NEDD9: variants seen among roughly 807,000 people sequenced by gnomAD.
NEDD9 encodes enhancer of filamentation 1.
NEDD9 carries 26 observed loss-of-function variants against 76.6 expected under a neutral mutation model. The ratio of observed to expected loss-of-function variants is 0.34; its 90% confidence interval spans 0.25 to 0.47. The LOEUF is 0.47. Among genes scored for constraint, NEDD9 ranks in the 20% least tolerant of loss-of-function variants. The pLI, the probability that NEDD9 is intolerant of heterozygous loss-of-function variation, is 1.00. For missense variants in NEDD9, 937 were observed against 1,058.5 expected (o/e 0.89, Z 1.59); for synonymous variants, 392 against 414.2 (o/e 0.95, Z 0.65).
At chr6:11,339,765 A>G (rs552646986) in intron 1 of NEDD9, among the ~76,000 whole-genome samples, 1 of 152,164 alleles carries the variant, frequency 6.6e-6, no homozygotes, top group East Asian at 1.9e-4. Flanking sequence ...TCAGGACTTG[A>G]CTGGGTTCTC....
intron 2 of NEDD9, 29 bp from the exon 3 acceptor site, chr6:11,193,721 A>G (rs1758221818): frequency 4.5e-6 from 7 of 1,552,958 alleles, no homozygotes; most frequent in South Asian, 1.1e-5. Flanking sequence ...AGAGGTGTAA[A>G]TTTCCAAGCC....
intron 1 of NEDD9, among the ~76,000 whole-genome samples, chr6:11,362,748 T>C (rs528030094): frequency 1.3e-4 from 20 of 152,352 alleles, no homozygotes; most frequent in African/African-American, 4.8e-4. Context: ...GAAGCTCTTT[T>C]ATTAAGTGGA....
chr6:11,345,397 G>A (rs1247463245), intron 1 of NEDD9, among the ~76,000 whole-genome samples: 1 of 152,184 alleles, frequency 6.6e-6, no homozygotes, highest in African/African-American at 2.4e-5. Context: ...TGTACATGGA[G>A]CTGTCTTGGT....
At chr6:11,349,178 C>T (rs192082087) in intron 1 of NEDD9, among the ~76,000 whole-genome samples, 73 of 152,166 alleles carry the variant, frequency 4.8e-4, no homozygotes, top group African/African-American at 1.6e-3. Flanking sequence ...AAGCTTAATG[C>T]CACTAATCAT....
chr6:11,232,635 C>A lies in NEDD9; in HGVS notation c.-120G>T. Reference sequence around the variant, plus strand: ...AAAGCGAGAAGGTCCCGGGCAGAGCCGCTTGTCAGTCGCAGCGCCTCCCTC... The same window carrying A: ...AAAGCGAGAAGGTCCCGGGCAGAGCAGCTTGTCAGTCGCAGCGCCTCCCTC... On this transcript the variant is annotated 5_prime_UTR_variant, in exon 1 of 7. Coordinates refer to ENST00000379446, the MANE Select transcript of NEDD9 (RefSeq NM_006403.4). 1 of 1,579,514 alleles carries A rather than the reference C, an allele frequency of 6.3e-7. No homozygotes were observed. The highest frequency in any genetic ancestry group is 1.1e-5 in the South Asian group (1 of 88,506).
intron 1 of NEDD9, among the ~76,000 whole-genome samples, chr6:11,348,136 C>G (rs921398873): frequency 6.6e-6 from 1 of 152,144 alleles, no homozygotes; most frequent in African/African-American, 2.4e-5. Context: ...CATTCCTATA[C>G]ACCAACAACA....
At chr6:11,188,394 C>T in intron 5 of NEDD9, 87 bp from the exon 6 acceptor site, 1 of 1,137,456 alleles carries the variant, frequency 8.8e-7, no homozygotes, top group Non-Finnish European at 1.3e-6. Context: ...AGTAAATACT[C>T]TTTATTTTCC....
At chr6:11,338,295 G>A (rs1271953467) in intron 1 of NEDD9, among the ~76,000 whole-genome samples, 1 of 152,134 alleles carries the variant, frequency 6.6e-6, no homozygotes, top group Admixed American at 6.5e-5. Context: ...TGCCAAAGAC[G>A]GCCAGCAAAC....
intron 2 of NEDD9, among the ~76,000 whole-genome samples, chr6:11,201,956 G>A (rs1206216168): frequency 1.3e-5 from 2 of 152,174 alleles, no homozygotes; most frequent in Admixed American, 6.5e-5. Flanking sequence ...ATTTAGTAGA[G>A]TACTAATGTG....
At chr6:11,223,674 G>T (rs1459073751) in intron 1 of NEDD9, among the ~76,000 whole-genome samples, 2 of 152,198 alleles carry the variant, frequency 1.3e-5, no homozygotes, top group African/African-American at 4.8e-5. Flanking sequence ...GGGCTATGAG[G>T]CGAGAGCGCC....
rs1341022024 is a variant in NEDD9 at position 11,185,321 on chromosome 6, C to T, written c.2346G>A (p.Gln782=). ...CTATGGTCTTGAGCTGCTCGCAGAG[C>T]TGGTTGCTGGAGTTCATGACTTTGT... ...IRNKVMNSSN[Q]LCEQLKTIVM... Residue 782 remains glutamine, a synonymous_variant, in exon 7 of 7, where the codon CAG becomes CAA. Coordinates refer to ENST00000379446, the MANE Select transcript of NEDD9 (RefSeq NM_006403.4). The T allele has an allele frequency of 6.2e-7, 1 of 1,614,156 alleles. No homozygotes were observed. The highest frequency in any genetic ancestry group is 8.5e-7 in the Non-Finnish European group (1 of 1,180,040).
At position 11,189,625 on chromosome 6, in the gene NEDD9, T is replaced by C. The variant is rs1384854372; in HGVS notation, c.1905+339A>G. Among the ~76,000 whole-genome samples the C allele has an allele frequency of 2.0e-5, 3 of 152,174 alleles. No individual in the cohort carries two copies. In the East Asian group the frequency reaches 5.8e-4, roughly 29 times the overall value. On this transcript the variant is annotated intron_variant, in intron 5 of 6. Coordinates refer to ENST00000379446, the MANE Select transcript of NEDD9 (RefSeq NM_006403.4). Reference sequence around the variant, plus strand: ...ATTATTATTAGAGGGCCTATTATCCTACTTGGTGAGTCTCCTCTTACCTGA... The same window carrying C: ...ATTATTATTAGAGGGCCTATTATCCCACTTGGTGAGTCTCCTCTTACCTGA...
At chr6:11,363,972 G>A (rs1013678) in intron 1 of NEDD9, among the ~76,000 whole-genome samples, 108,570 of 152,110 alleles carry the variant, frequency 0.71, 39,442 homozygotes, top group African/African-American at 0.83. Context: ...TGAGACTGCT[G>A]TCTCAATCCT....
intron 2 of NEDD9, among the ~76,000 whole-genome samples, chr6:11,194,964 T>C (rs1758254252): frequency 6.6e-6 from 1 of 152,252 alleles, no homozygotes; most frequent in Non-Finnish European, 1.5e-5. Context: ...TCTCAAGCGT[T>C]GCCCACGACA....
intron 3 of NEDD9, among the ~76,000 whole-genome samples, chr6:11,283,926 C>A (rs959534998): frequency 2.6e-5 from 4 of 152,004 alleles, no homozygotes; most frequent in African/African-American, 7.3e-5. Context: ...AATCATATCA[C>A]AATATAAAAC....
At chr6:11,209,477 C>T (rs1161908716) in intron 2 of NEDD9, among the ~76,000 whole-genome samples, 1 of 152,164 alleles carries the variant, frequency 6.6e-6, no homozygotes, top group Non-Finnish European at 1.5e-5. Flanking sequence ...AGCAAGAAAG[C>T]ACTTGTACCT....
chr6:11,227,376 C>T (rs1014373552), intron 1 of NEDD9, among the ~76,000 whole-genome samples: 1 of 152,140 alleles, frequency 6.6e-6, no homozygotes, highest in Non-Finnish European at 1.5e-5. Flanking sequence ...ATAGTAAGTA[C>T]TTCATTCATA....
At chr6:11,202,424 TC>T (rs1408434716) in intron 2 of NEDD9, among the ~76,000 whole-genome samples, 1 of 152,216 alleles carries the variant, frequency 6.6e-6, no homozygotes, top group African/African-American at 2.4e-5. Context: ...AACTATTTGA[TC>T]CCTTCCCTTT....
intron 2 of NEDD9, among the ~76,000 whole-genome samples, chr6:11,314,689 A>G (rs1031939179): frequency 1.3e-5 from 2 of 152,122 alleles, no homozygotes; most frequent in African/African-American, 4.8e-5. Flanking sequence ...AGGTTTTCCA[A>G]ACTTCTGTAA....
Sources: allele counts gnomAD v4.1 joint callset (sites outside exome capture counted in the v4.1 genomes callset), GRCh38; gene constraint gnomAD v4.1.1; transcripts MANE v1.5; gene names NCBI Gene and HGNC (gene_info 2026-07-23, HGNC 2026-07-21).